Variants in RBFOX3 observed in about 807,000 individuals in gnomAD.
The protein encoded by RBFOX3 is RNA binding protein fox-1 homolog 3.
A neutral mutation model predicts 48.7 loss-of-function variants in RBFOX3; 17 were observed. The observed-to-expected ratio is 0.35, with a 90% confidence interval of 0.24 to 0.52. The LOEUF (loss-of-function observed/expected upper bound fraction) is 0.52. Among genes scored for constraint, RBFOX3 ranks in the 20% least tolerant of loss-of-function variants. RBFOX3 has a pLI of 0.94. For synonymous variants in RBFOX3, 212 were observed against 209.5 expected, an observed-to-expected ratio of 1.01 and a Z score of -0.10; for missense variants, 382 against 497.5, an observed-to-expected ratio of 0.77 and a Z score of 2.21.
At chr17:79,102,091 C>T (rs573861176) in intron 8 of RBFOX3, among the ~76,000 whole-genome samples, 5 of 152,332 alleles carry the variant, frequency 3.3e-5, no homozygotes, top group African/African-American at 9.6e-5. Flanking sequence ...CCCCCTCCCC[C>T]GAGGCCAGAG....
At chr17:79,652,585 AGGAG>A in the RBFOX3 span, among the ~76,000 whole-genome samples, 1 of 140,430 alleles carries the variant, frequency 7.1e-6, no homozygotes, top group Non-Finnish European at 1.5e-5. Context: ...AGGAGAGGAG[AGGAG>A]AGGAGAGGAG....
chr17:79,360,982 C>T (rs548375649), intron 2 of RBFOX3, among the ~76,000 whole-genome samples: 5 of 152,116 alleles, frequency 3.3e-5, no homozygotes, highest in Admixed American at 6.5e-5. Flanking sequence ...GAAGCCTGTC[C>T]GGGTTATTTC....
In RBFOX3 at chr17:79,099,927, C is replaced by T. The variant is rs72853375; in HGVS notation, c.568+1657G>A. On this transcript the variant is annotated intron_variant, in intron 9 of 14. Coordinates refer to ENST00000693108, the MANE Select transcript of RBFOX3 (RefSeq NM_001350451.2). ...TGTTGAAGCCAAGTCACGCAGCACT[C>T]GCCACCAGAGCCCATGGGTTGGCTT... The T allele has an allele frequency of 6.9e-3, 1,053 of 152,366 alleles. 9 individuals are homozygous for T. Among genetic ancestry groups the T allele is most frequent in the Non-Finnish European group, 8.7e-3 (592 of 68,074 alleles). The allele number at this position is 152,366 out of a possible 1,614,324, so 9.4% of individuals were successfully genotyped here. A position where few individuals can be genotyped will look rare whatever the true frequency, so the allele number is the denominator to read the frequency against.
At chr17:79,571,459 C>T (rs2092675230) in intron 1 of RBFOX3, among the ~76,000 whole-genome samples, 1 of 152,096 alleles carries the variant, frequency 6.6e-6, no homozygotes, top group Non-Finnish European at 1.5e-5. Flanking sequence ...TTCCTCGAGG[C>T]CCCATCATAA....
At chr17:79,500,513 T>C (rs1482641642) in intron 1 of RBFOX3, among the ~76,000 whole-genome samples, 2 of 152,170 alleles carry the variant, frequency 1.3e-5, no homozygotes, top group Non-Finnish European at 2.9e-5. Context: ...CGCCTTGGCC[T>C]CCCAAAGTGC....
chr17:79,649,880 A>G, the RBFOX3 span, among the ~76,000 whole-genome samples: 7 of 152,046 alleles, frequency 4.6e-5, no homozygotes, highest in Non-Finnish European at 7.4e-5. Flanking sequence ...TCCATGGTGG[A>G]GCAGGAACAA....
intron 4 of RBFOX3, among the ~76,000 whole-genome samples, chr17:79,160,814 T>C (rs574813459): frequency 1.3e-5 from 2 of 152,172 alleles, no homozygotes; most frequent in South Asian, 4.2e-4. Flanking sequence ...ACCTTGTCTC[T>C]ACTAGAAATA....
chr17:79,286,004 G>C (rs1278981833), intron 3 of RBFOX3, among the ~76,000 whole-genome samples: 1 of 152,210 alleles, frequency 6.6e-6, no homozygotes, highest in Non-Finnish European at 1.5e-5. Flanking sequence ...TTTTGTTCAA[G>C]TGGGTACATC....
At chr17:79,647,743 C>T in the RBFOX3 span, among the ~76,000 whole-genome samples, 11 of 152,136 alleles carry the variant, frequency 7.2e-5, no homozygotes, top group Non-Finnish European at 2.9e-5. Flanking sequence ...CTCAGGGCTT[C>T]GATCCACCTG....
chr17:79,160,875 G>A (rs139017719), intron 4 of RBFOX3, among the ~76,000 whole-genome samples: 1,743 of 151,770 alleles, frequency 0.011, 34 homozygotes, highest in African/African-American at 0.04. Flanking sequence ...AACTACTTAG[G>A]AGGCTGAGGC....
intron 4 of RBFOX3, among the ~76,000 whole-genome samples, chr17:79,139,758 A>G (rs1043998916): frequency 6.6e-6 from 1 of 152,212 alleles, no homozygotes; most frequent in African/African-American, 2.4e-5. Context: ...TTCTGCCGCT[A>G]GGGATCAGCC....
chr17:79,649,446 C>T, the RBFOX3 span, among the ~76,000 whole-genome samples: 1 of 152,188 alleles, frequency 6.6e-6, no homozygotes, highest in South Asian at 2.1e-4. Context: ...TGGTTCACAC[C>T]CATAATTCCA....
rs1240677474 is a variant in RBFOX3, at chr17:79,214,415, G to A, written c.-34+21351C>T. On this transcript the variant is annotated intron_variant, in intron 4 of 14. Coordinates refer to ENST00000693108, the MANE Select transcript of RBFOX3 (RefSeq NM_001350451.2). The surrounding 1 kb of genome is among the most constrained non-coding windows in gnomAD (Gnocchi z 4.7). ...GCAGGTCCAGCAACCAGGGAGGGTG[G>A]GGGCTCTCTTCTTGAGAAAAGTGAT... Among the ~76,000 whole-genome samples the A allele has an allele frequency of 6.6e-6, 1 of 152,160 alleles. No homozygotes were observed. The highest frequency in any genetic ancestry group is 6.5e-5 in the Admixed American group (1 of 15,280).
intron 2 of RBFOX3, among the ~76,000 whole-genome samples, chr17:79,431,406 C>T (rs536095135): frequency 4.1e-4 from 63 of 152,120 alleles, no homozygotes; most frequent in African/African-American, 1.5e-3. Context: ...CTCCATCTCC[C>T]GGGTTCAAAC....
intron 2 of RBFOX3, among the ~76,000 whole-genome samples, chr17:79,322,637 G>A (rs2078705272): frequency 6.6e-6 from 1 of 152,326 alleles, no homozygotes; most frequent in Admixed American, 6.5e-5. Context: ...AGGAGACACA[G>A]CTGGGTCCCC....
At chr17:79,389,848 A>G (rs909581650) in intron 2 of RBFOX3, among the ~76,000 whole-genome samples, 12 of 152,260 alleles carry the variant, frequency 7.9e-5, no homozygotes, top group Non-Finnish European at 1.3e-4. Flanking sequence ...GGCCAGGGCC[A>G]TGCTCAGATA....
At chr17:79,588,573 C>G (rs936494176) in intron 1 of RBFOX3, among the ~76,000 whole-genome samples, 4 of 152,186 alleles carry the variant, frequency 2.6e-5, no homozygotes, top group African/African-American at 9.6e-5. Flanking sequence ...CCCCACACCC[C>G]CTTCACTGCT....
rs2061170879 is a variant in RBFOX3 at position 79,390,051 on chromosome 17, C to T, written c.-174-82227G>A. 6.6e-6 allele frequency among the ~76,000 whole-genome samples: 1 copy of T among 150,922 alleles called. No individual in the cohort carries two copies. The highest frequency in any genetic ancestry group is 6.6e-5 in the Admixed American group (1 of 15,204). On this transcript the variant is annotated intron_variant, in intron 2 of 14. Coordinates refer to ENST00000693108, the MANE Select transcript of RBFOX3 (RefSeq NM_001350451.2). The surrounding 1 kb of genome is among the most constrained non-coding windows in gnomAD (Gnocchi z 4.2). ...CAGGTCTCCGTAGCCTCCAGGTCTC[C>T]GCAGCCGCCGGGTCTCCGCAGCCTC...
At chr17:79,358,004 T>C (rs754699385) in intron 2 of RBFOX3, among the ~76,000 whole-genome samples, 1 of 152,012 alleles carries the variant, frequency 6.6e-6, no homozygotes, top group African/African-American at 2.4e-5. Context: ...TGGAGTACAG[T>C]GGCACATTCA....
Sources: gnomAD v4.1 joint callset for allele counts (sites outside exome capture counted in the v4.1 genomes callset) on GRCh38, gnomAD v4.1.1 for gene constraint, Gnocchi (gnomAD v3.1) non-coding constraint, MANE v1.5 for transcripts, NCBI Gene and HGNC (gene_info 2026-07-23, HGNC 2026-07-21) for gene names.